The following ZFYVE28 variants were observed in gnomAD, a reference collection of about 807,000 sequenced individuals.
The protein encoded by ZFYVE28 is zinc finger FYVE-type containing 28.
Under a neutral mutation model 82.1 loss-of-function variants are expected in ZFYVE28, and 40 were observed. That is an observed-to-expected ratio of 0.49 (90% confidence interval 0.38 to 0.63). The LOEUF (loss-of-function observed/expected upper bound fraction) is 0.63. Among genes scored for constraint, ZFYVE28 ranks in the 30% least tolerant of loss-of-function variants. The probability of loss-of-function intolerance (pLI) is 0.00; values close to 1 mark genes in which losing one functional copy is unlikely to be tolerated. For synonymous variants in ZFYVE28, 612 were observed against 546.1 expected (o/e 1.12, Z -1.68); for missense variants, 1,321 against 1,242.1 (o/e 1.06, Z -0.96).
chr4:2,366,142 C>T (rs949175566), intron 1 of ZFYVE28, among the ~76,000 whole-genome samples: 25 of 152,294 alleles, frequency 1.6e-4, no homozygotes, highest in Admixed American at 1.4e-3. Context: ...GGGGGGAGTG[C>T]GACGCAGAAT....
rs755541022 is a variant in ZFYVE28, at chr4:2,388,904, T to C, written c.39+29381A>G. ...CAACCCGAAATCTAGGAACACAGCTTACCCTTTTAAAATAAGCACTGATGG... is the reference window on the plus strand; with the variant it reads ...CAACCCGAAATCTAGGAACACAGCTCACCCTTTTAAAATAAGCACTGATGG... On this transcript the variant is annotated intron_variant, in intron 1 of 12. Transcript: ENST00000290974. Among the ~76,000 whole-genome samples, 143 of 152,158 alleles carry C rather than the reference T, an allele frequency of 9.4e-4. 2 individuals are homozygous for C. Among genetic ancestry groups the C allele is most frequent in the Middle Eastern group, 3.4e-3 (1 of 294 alleles).
In ZFYVE28 at chr4:2,304,498, G is replaced by C. The variant is rs1716197531; in HGVS notation, c.1842C>G (p.Pro614=). Residue 614 remains proline (P), a synonymous_variant, in exon 8 of 13, where the codon CCC becomes CCG. Coordinates refer to ENST00000290974, the MANE Select transcript of ZFYVE28 (RefSeq NM_020972.3). ...DRAPERQEEA[P]PPSEDASNGR... is the part of the protein sequence containing the mutation. ...CGTTGGAGGCATCTTCTGAGGGTGG[G>C]GGCGCCTCCTCCTGTCTCTCAGGGG... The C allele has an allele frequency of 1.9e-6, 3 of 1,612,688 alleles. No individual in the cohort carries two copies. In the African/African-American group the frequency reaches 4.0e-5, roughly 22 times the overall value.
chr4:2,298,959 C>T (rs1357621731), intron 8 of ZFYVE28, among the ~76,000 whole-genome samples: 1 of 152,222 alleles, frequency 6.6e-6, no homozygotes, highest in Non-Finnish European at 1.5e-5. Flanking sequence ...GGCCCCACCA[C>T]AGAGGAGCAG....
intron 7 of ZFYVE28, chr4:2,316,181 C>G (rs1718182236): frequency 6.6e-6 from 1 of 150,670 alleles, no homozygotes; most frequent in African/African-American, 2.5e-5. Context: ...TTTCCTTCCC[C>G]TTTCTTTCTT....
intron 1 of ZFYVE28, among the ~76,000 whole-genome samples, chr4:2,367,463 C>T (rs971758593): frequency 3.3e-5 from 5 of 152,222 alleles, no homozygotes; most frequent in African/African-American, 7.2e-5. Context: ...GAACGCAGTC[C>T]GGTCAACTCC....
intron 2 of ZFYVE28, among the ~76,000 whole-genome samples, chr4:2,350,501 A>G (rs1724253204): frequency 1.3e-5 from 2 of 152,094 alleles, no homozygotes; most frequent in Non-Finnish European, 2.9e-5. Context: ...ATGATATTGT[A>G]AAATATACGT....
At chr4:2,284,282 CGTG>C (rs1712399177) in intron 8 of ZFYVE28, among the ~76,000 whole-genome samples, 1 of 152,144 alleles carries the variant, frequency 6.6e-6, no homozygotes, top group African/African-American at 2.4e-5. Flanking sequence ...AGCACAGTGG[CGTG>C]ACCACGGCTC....
At position 2,335,633 on chromosome 4, in the gene ZFYVE28, C is replaced by G. The variant is rs908049316; in HGVS notation, c.701+72G>C. 3.5e-6 allele frequency: 5 copies of G among 1,445,440 alleles called. No individual in the cohort carries two copies. The African/African-American group carries it at 5.6e-5, about 16-fold the overall frequency. 89.5% of individuals were successfully genotyped at this position (1,445,440 alleles called of 1,614,324 possible). On this transcript the variant is annotated intron_variant, in intron 6 of 12. Transcript: ENST00000290974. This position sits in a 1 kb window ranked among gnomAD's most constrained non-coding sequence, Gnocchi z 5.8. The stretch of plus-strand genomic sequence containing the variant: ...GAGACGCCATGGACCGGCACCCGCA[C>G]GGGACCTGGCACCATCAGCCCTGCC...
intron 8 of ZFYVE28, among the ~76,000 whole-genome samples, chr4:2,290,019 C>G (rs1190420860): frequency 6.6e-6 from 1 of 152,190 alleles, no homozygotes; most frequent in African/African-American, 2.4e-5. Context: ...CAGGGAGCCG[C>G]TGTCCTTGCG....
At chr4:2,352,967 C>A (rs535911819) in intron 2 of ZFYVE28, among the ~76,000 whole-genome samples, 1 of 152,212 alleles carries the variant, frequency 6.6e-6, no homozygotes, top group African/African-American at 2.4e-5. Context: ...CAGCACCTGT[C>A]CCCTGGGCAG....
intron 7 of ZFYVE28, among the ~76,000 whole-genome samples, chr4:2,319,967 G>A (rs1249648250): frequency 1.3e-5 from 2 of 152,214 alleles, no homozygotes; most frequent in Non-Finnish European, 2.9e-5. Context: ...CCCACCCCAT[G>A]CGATGCCCAG....
rs1483557899 is a variant in ZFYVE28, at chr4:2,304,814, C to G, written c.1526G>C (p.Gly509Ala). 1.9e-6 allele frequency: 3 copies of G among 1,612,710 alleles called. No homozygotes were observed. The highest frequency in any genetic ancestry group is 1.1e-5 in the South Asian group (1 of 91,082). Residue 509 changes from glycine (G) to alanine (A), a missense_variant, in exon 8 of 13, where the codon GGG (glycine) becomes GCG (alanine). Coordinates refer to ENST00000290974, the MANE Select transcript of ZFYVE28 (RefSeq NM_020972.3). The stretch of plus-strand genomic sequence containing the variant: ...GACCGTGGCTGAGAGCTTCATGCCC[C>G]CTGTCCGGTGGGCGATCATCTCAGC... ...ETAEMIAHRTGGMKLSATVIF... is the reference protein window; with the variant it reads ...ETAEMIAHRTAGMKLSATVIF...
At chr4:2,306,147 C>T (rs903303345) in intron 7 of ZFYVE28, among the ~76,000 whole-genome samples, 1 of 152,242 alleles carries the variant, frequency 6.6e-6, no homozygotes, top group African/African-American at 2.4e-5. Context: ...GGGAAGGCTT[C>T]CTGGAGGAAG....
chr4:2,354,759 A>G (rs1284814974), intron 1 of ZFYVE28, among the ~76,000 whole-genome samples: 1 of 151,936 alleles, frequency 6.6e-6, no homozygotes, highest in Non-Finnish European at 1.5e-5. Flanking sequence ...GTGCCCGGCC[A>G]GGAAATATTT....
rs1720832921 is a variant in ZFYVE28 at position 2,332,265 on chromosome 4, C to G, written c.701+3440G>C. Among the ~76,000 whole-genome samples, 2 of 152,164 alleles carry G rather than the reference C, an allele frequency of 1.3e-5. No individual in the cohort carries two copies. The highest frequency in any genetic ancestry group is 4.8e-5 in the African/African-American group (2 of 41,426). On this transcript the variant is annotated intron_variant, in intron 6 of 12. Coordinates refer to ENST00000290974, the MANE Select transcript of ZFYVE28 (RefSeq NM_020972.3). The surrounding 1 kb of genome is among the most constrained non-coding windows in gnomAD (Gnocchi z 4.7). Reference sequence around the variant, plus strand: ...ATGCCCACTTCACAGAGGCAGGATCCTGCGAGGGTGTGGGCCCAGGAATGC... The same window carrying G: ...ATGCCCACTTCACAGAGGCAGGATCGTGCGAGGGTGTGGGCCCAGGAATGC...
At chr4:2,336,866 GGGAGGAGGTGAAGA>G (rs1721848931) in intron 5 of ZFYVE28, among the ~76,000 whole-genome samples, 1 of 142,732 alleles carries the variant, frequency 7.0e-6, no homozygotes, top group Non-Finnish European at 1.5e-5. Context: ...AAGGTGAGGA[GGGAGGAGGTGAAGA>G]GTGAGGAGGT....
At chr4:2,279,587 G>A (rs1354263927) in intron 8 of ZFYVE28, among the ~76,000 whole-genome samples, 1 of 152,102 alleles carries the variant, frequency 6.6e-6, no homozygotes, top group African/African-American at 2.4e-5. Flanking sequence ...AGACCATCCT[G>A]GCTAACACGA....
At chr4:2,398,160 G>C (rs1379593377) in intron 1 of ZFYVE28, among the ~76,000 whole-genome samples, 2 of 152,230 alleles carry the variant, frequency 1.3e-5, no homozygotes, top group South Asian at 2.1e-4. Context: ...AAGGGACCTA[G>C]AGCTGGTGCC....
At chr4:2,342,906 C>T (rs1471183438) in intron 2 of ZFYVE28, 1 of 152,192 alleles carries the variant, frequency 6.6e-6, no homozygotes, top group Non-Finnish European at 1.5e-5. Context: ...GACACAGTTC[C>T]TTCTAATTCT....
Sources: allele counts gnomAD v4.1 joint callset (sites outside exome capture counted in the v4.1 genomes callset), GRCh38; gene constraint gnomAD v4.1.1; non-coding constraint Gnocchi (gnomAD v3.1); transcripts MANE v1.5; gene names NCBI Gene and HGNC (gene_info 2026-07-23, HGNC 2026-07-21).